DACH2: variants seen among roughly 807,000 people sequenced by gnomAD.
The protein encoded by DACH2 is dachshund family transcription factor 2, also known as dachshund homolog 2.
A neutral mutation model predicts 35.8 loss-of-function variants in DACH2; 17 were observed. The ratio of observed to expected loss-of-function variants is 0.48; its 90% CI spans 0.33 to 0.71. The LOEUF (loss-of-function observed/expected upper bound fraction) is 0.71, where lower values mean the gene tolerates loss of function less well. Ranked by LOEUF, DACH2 falls within the 30% of genes least tolerant of loss-of-function variation. The pLI is 0.02. For missense variants in DACH2, 469 were observed against 472.7 expected (o/e 0.99, Z 0.07); for synonymous variants, 195 against 177.3 (o/e 1.10, Z -0.79).
chrX:86,687,991 T>A (rs1602789071), intron 4 of DACH2, among the ~76,000 whole-genome samples: 1 of 110,700 alleles, frequency 9.0e-6, no homozygotes, highest in Non-Finnish European at 1.9e-5. Context: ...TGTATACCTA[T>A]GTAACAAAGC....
At chrX:86,744,970 A>G (rs951714774) in intron 7 of DACH2, among the ~76,000 whole-genome samples, 2 of 110,853 alleles carry the variant, frequency 1.8e-5, no homozygotes, top group African/African-American at 3.3e-5. Flanking sequence ...GCAGCCACTC[A>G]TCTCTCAAAC....
chrX:86,282,066 C>T (rs2034040715), intron 1 of DACH2, among the ~76,000 whole-genome samples: 2 of 112,093 alleles, frequency 1.8e-5, no homozygotes, highest in Admixed American at 9.5e-5. Context: ...GTGAAAATAG[C>T]CTTACTGGCC....
chrX:86,570,229 G>A (rs1323500260), intron 3 of DACH2, among the ~76,000 whole-genome samples: 4 of 111,264 alleles, frequency 3.6e-5, no homozygotes, highest in Non-Finnish European at 5.7e-5. Flanking sequence ...CAGCAATCTC[G>A]TTACTGGGTA....
In DACH2 at chrX:86,293,656, A is replaced by T. The variant is rs746463812; in HGVS notation, c.489-83168A>T. ...TCTGTCAGCATTTGCTTGTCTGTAA[A>T]GTATTTTATTTCTCCTTCACTTATG... On this transcript the variant is annotated intron_variant, in intron 1 of 11. Transcript: ENST00000373125. Among the ~76,000 whole-genome samples the T allele has an allele frequency of 9.1e-5, 10 of 110,008 alleles. No homozygotes were observed. The East Asian group carries it at 2.9e-3, about 32-fold the overall frequency.
chrX:86,194,677 G>A (rs1046752349), intron 1 of DACH2, among the ~76,000 whole-genome samples: 1 of 112,642 alleles, frequency 8.9e-6, no homozygotes, highest in Non-Finnish European at 1.9e-5. Context: ...GAGTTGGCAG[G>A]GAGAGCTGCT....
At chrX:86,567,882 T>A (rs2039313264) in intron 3 of DACH2, among the ~76,000 whole-genome samples, 1 of 111,589 alleles carries the variant, frequency 9.0e-6, no homozygotes, top group South Asian at 3.6e-4. Flanking sequence ...TTTTCATAGT[T>A]TCCAAAACAT....
At chrX:86,491,870 A>G (rs2038098021) in intron 2 of DACH2, among the ~76,000 whole-genome samples, 1 of 111,695 alleles carries the variant, frequency 9.0e-6, no homozygotes, top group African/African-American at 3.2e-5. Context: ...AAGATGAGGG[A>G]GTTCCATTAA....
At chrX:86,296,904 C>T (rs983721781) in intron 1 of DACH2, among the ~76,000 whole-genome samples, 43 of 109,429 alleles carry the variant, frequency 3.9e-4, no homozygotes, top group African/African-American at 1.3e-3. Flanking sequence ...AGATAGTGAA[C>T]TAAGAAACAG....
chrX:86,812,113 C>A (rs992334406), intron 7 of DACH2, among the ~76,000 whole-genome samples: 4 of 111,636 alleles, frequency 3.6e-5, no homozygotes, highest in South Asian at 7.4e-4. Context: ...AAACAAAATA[C>A]TATTCAGCAA....
Position 86,335,102 on chromosome X carries a change from T to A in DACH2, c.489-41722T>A, listed in dbSNP as rs143053756. Among the ~76,000 whole-genome samples, 412 of 111,350 alleles carry A rather than the reference T, an allele frequency of 3.7e-3. 1 individual carries two copies. The highest frequency in any genetic ancestry group is 0.013 in the African/African-American group (389 of 30,495). On this transcript the variant is annotated intron_variant, in intron 1 of 11. Transcript: ENST00000373125. ...GGCACTATTTCCGAGGCCTCTGTTC[T>A]GTTCCATTTTTCTACATATCTGTTT...
chrX:86,669,935 G>A (rs1426143426), intron 4 of DACH2, among the ~76,000 whole-genome samples: 17 of 110,292 alleles, frequency 1.5e-4, no homozygotes, highest in Non-Finnish European at 3.0e-4. Context: ...ACTGTCACAG[G>A]GGTCTCTATC....
At chrX:86,443,144 A>G (rs1176732504) in intron 2 of DACH2, among the ~76,000 whole-genome samples, 1 of 111,728 alleles carries the variant, frequency 9.0e-6, no homozygotes, top group Non-Finnish European at 1.9e-5. Flanking sequence ...ATTGCATTGA[A>G]TCTGTAATAT....
chrX:86,594,633 A>G (rs1234209483), intron 3 of DACH2, among the ~76,000 whole-genome samples: 1 of 111,159 alleles, frequency 9.0e-6, no homozygotes, highest in Non-Finnish European at 1.9e-5. Context: ...TTTTCCAGGT[A>G]TTTTTTGTTA....
chrX:86,302,871 A>G (rs1178834545), intron 1 of DACH2, among the ~76,000 whole-genome samples: 5 of 109,993 alleles, frequency 4.5e-5, no homozygotes, highest in Non-Finnish European at 5.7e-5. Context: ...AAGTTTGAAA[A>G]GATGATAAAT....
chrX:86,591,541 A>ATT (rs566345938), intron 3 of DACH2, among the ~76,000 whole-genome samples: 9 of 93,222 alleles, frequency 9.7e-5, no homozygotes, highest in African/African-American at 2.9e-4. Flanking sequence ...TTCTTTGGCT[A>ATT]TTTTTTTTTT....
intron 3 of DACH2, among the ~76,000 whole-genome samples, chrX:86,553,963 AT>A (rs1290024564): frequency 1.2e-4 from 13 of 107,647 alleles, no homozygotes; most frequent in Non-Finnish European, 1.4e-4. Flanking sequence ...GCTCAGGATA[AT>A]TTTTTTTTTG....
intron 7 of DACH2, among the ~76,000 whole-genome samples, chrX:86,804,882 C>T (rs955860443): frequency 6.0e-5 from 4 of 66,302 alleles, no homozygotes; most frequent in Non-Finnish European, 1.3e-4. Flanking sequence ...GCAGATCTGC[C>T]CCTGTGCTTT....
intron 2 of DACH2, among the ~76,000 whole-genome samples, chrX:86,437,292 G>C (rs2037083430): frequency 9.0e-6 from 1 of 111,136 alleles, no homozygotes; most frequent in Non-Finnish European, 1.9e-5. Context: ...ATGTGTTGGG[G>C]ACATTTCAAG....
intron 4 of DACH2, among the ~76,000 whole-genome samples, chrX:86,687,588 C>A (rs959475680): frequency 3.6e-5 from 4 of 111,456 alleles, no homozygotes; most frequent in Non-Finnish European, 1.9e-5. Flanking sequence ...AAGACACATG[C>A]AAACGTATGT....
Sources: allele counts gnomAD v4.1 joint callset (sites outside exome capture counted in the v4.1 genomes callset), GRCh38; gene constraint gnomAD v4.1.1; transcripts MANE v1.5; gene names NCBI Gene and HGNC (gene_info 2026-07-23, HGNC 2026-07-21).